SAMD12: variants seen among roughly 807,000 people sequenced by gnomAD.
SAMD12 encodes sterile alpha motif domain-containing protein 12.
SAMD12 carries 9 observed loss-of-function variants against 15.0 expected under a neutral mutation model. The observed-to-expected ratio is 0.60, with a 90% confidence interval of 0.36 to 1.05. SAMD12 has a LOEUF of 1.05. Among genes scored for constraint, SAMD12 ranks in the 50% least tolerant of loss-of-function variants. The probability of loss-of-function intolerance (pLI) is 0.01; values close to 1 mark genes in which losing one functional copy is unlikely to be tolerated. For synonymous variants in SAMD12, 86 were observed against 90.1 expected, an observed-to-expected ratio of 0.96 and a Z score of 0.25; for missense variants, 230 against 234.2, an observed-to-expected ratio of 0.98 and a Z score of 0.12.
chr8:118,333,957 C>CG (rs1586548850), intron 4 of SAMD12, among the ~76,000 whole-genome samples: 2 of 77,218 alleles, frequency 2.6e-5, no homozygotes, highest in South Asian at 4.3e-4. Flanking sequence ...TGCACATTGG[C>CG]GGGGGGCAGG....
chr8:118,168,622 C>G, the SAMD12 span, among the ~76,000 whole-genome samples: 1 of 152,116 alleles, frequency 6.6e-6, no homozygotes, highest in African/African-American at 2.4e-5. Context: ...GCTTGTCTGC[C>G]TCACTGGTTT....
intron 4 of SAMD12, among the ~76,000 whole-genome samples, chr8:118,234,768 A>G (rs1481732862): frequency 6.6e-6 from 1 of 151,236 alleles, no homozygotes; most frequent in African/African-American, 2.4e-5. Context: ...AATACAAATT[A>G]TATATAGTCA....
intron 4 of SAMD12, among the ~76,000 whole-genome samples, chr8:118,326,922 T>C (rs957968674): frequency 1.3e-5 from 2 of 152,242 alleles, no homozygotes; most frequent in Non-Finnish European, 2.9e-5. Context: ...GCCAGCTTTA[T>C]ATCCCATTTA....
At chr8:118,276,863 G>A (rs1813486072) in intron 4 of SAMD12, among the ~76,000 whole-genome samples, 1 of 152,110 alleles carries the variant, frequency 6.6e-6, no homozygotes, top group Non-Finnish European at 1.5e-5. Flanking sequence ...AGTAGAGACA[G>A]GGTTTCGCCA....
the SAMD12 span, among the ~76,000 whole-genome samples, chr8:118,163,737 C>T: frequency 1.7e-4 from 26 of 152,168 alleles, 1 homozygote; most frequent in Middle Eastern, 3.4e-3. Context: ...TAGCCAGGCG[C>T]GGTGGCGGGC....
At chr8:118,407,626 T>C (rs1277115260) in intron 3 of SAMD12, among the ~76,000 whole-genome samples, 1 of 152,160 alleles carries the variant, frequency 6.6e-6, no homozygotes, top group Non-Finnish European at 1.5e-5. Flanking sequence ...CAACTAGGAA[T>C]CTCCTCCTCT....
intron 2 of SAMD12, among the ~76,000 whole-genome samples, chr8:118,534,267 G>A (rs1490024877): frequency 6.6e-6 from 1 of 152,048 alleles, no homozygotes; most frequent in Non-Finnish European, 1.5e-5. Context: ...GTTGAATATT[G>A]GCCCCCACTC....
At chr8:118,360,701 T>G (rs911858570) in intron 4 of SAMD12, among the ~76,000 whole-genome samples, 2 of 152,226 alleles carry the variant, frequency 1.3e-5, no homozygotes, top group African/African-American at 2.4e-5. Flanking sequence ...TTCACATTTA[T>G]GGTTGTGAGA....
intron 1 of SAMD12, among the ~76,000 whole-genome samples, chr8:118,617,087 A>G (rs1450177258): frequency 6.6e-6 from 1 of 152,234 alleles, no homozygotes; most frequent in Non-Finnish European, 1.5e-5. Context: ...ACTGCTGCAT[A>G]CAATATTAGC....
At chr8:118,556,073 T>C (rs935829343) in intron 2 of SAMD12, among the ~76,000 whole-genome samples, 5 of 152,280 alleles carry the variant, frequency 3.3e-5, no homozygotes. Flanking sequence ...CAGGGCAAAA[T>C]ACTTATGGAC....
chr8:118,515,424 C>A (rs1825215149), intron 2 of SAMD12, among the ~76,000 whole-genome samples: 2 of 152,088 alleles, frequency 1.3e-5, no homozygotes, highest in African/African-American at 4.8e-5. Context: ...GCCGTGCTTC[C>A]CATACAGCCT....
At chr8:118,619,496 AATCTCCCATCCTC>A (rs1298591348) in intron 1 of SAMD12, among the ~76,000 whole-genome samples, 3 of 150,916 alleles carry the variant, frequency 2.0e-5, no homozygotes, top group African/African-American at 7.3e-5. Context: ...AAAAAAAAAA[AATCTCCCATCCTC>A]AAATCTGTCA....
chr8:118,584,441 T>C (rs909720478), intron 1 of SAMD12, among the ~76,000 whole-genome samples: 1 of 152,198 alleles, frequency 6.6e-6, no homozygotes, highest in Non-Finnish European at 1.5e-5. Context: ...ATTTACTTAA[T>C]TTAATGGGCT....
chr8:118,541,503 A>G (rs889114586), intron 2 of SAMD12, among the ~76,000 whole-genome samples: 2 of 152,186 alleles, frequency 1.3e-5, no homozygotes, highest in African/African-American at 4.8e-5. Context: ...AATCTCTGCC[A>G]AAATTACTTA....
chr8:118,537,873 G>C (rs1825888557), intron 2 of SAMD12, among the ~76,000 whole-genome samples: 1 of 152,146 alleles, frequency 6.6e-6, no homozygotes, highest in South Asian at 2.1e-4. Flanking sequence ...CAGTGTCTGG[G>C]CATTGAAGAA....
At chr8:118,504,326 A>G (rs1462287421) in intron 2 of SAMD12, among the ~76,000 whole-genome samples, 2 of 152,224 alleles carry the variant, frequency 1.3e-5, no homozygotes, top group Non-Finnish European at 2.9e-5. Context: ...TCTTTAATAA[A>G]TACATAAAGT....
At chr8:118,426,514 C>A (rs897260988) in intron 3 of SAMD12, among the ~76,000 whole-genome samples, 2 of 152,182 alleles carry the variant, frequency 1.3e-5, no homozygotes, top group Non-Finnish European at 2.9e-5. Flanking sequence ...CTCCAAGAAA[C>A]CATGGGCATT....
At chr8:118,223,349 T>C (rs1038526659) in intron 4 of SAMD12, among the ~76,000 whole-genome samples, 5 of 152,218 alleles carry the variant, frequency 3.3e-5, no homozygotes, top group Non-Finnish European at 7.3e-5. Context: ...TCACACTAAG[T>C]CACTCCCATG....
At chr8:118,209,379 TC>T (rs1162131730) in intron 4 of SAMD12, among the ~76,000 whole-genome samples, 2 of 152,202 alleles carry the variant, frequency 1.3e-5, no homozygotes, top group Non-Finnish European at 2.9e-5. Flanking sequence ...GGTTTGGAGA[TC>T]TTCCCTGGGC....
Sources: allele counts gnomAD v4.1 joint callset (sites outside exome capture counted in the v4.1 genomes callset), GRCh38; gene constraint gnomAD v4.1.1; transcripts MANE v1.5; gene names NCBI Gene and HGNC (gene_info 2026-07-23, HGNC 2026-07-21).